SLC39A1: variants seen among roughly 807,000 people sequenced by gnomAD.
SLC39A1 encodes the protein zinc transporter ZIP1.
Under a neutral mutation model 21.4 loss-of-function variants are expected in SLC39A1, and 17 were observed. That is an observed-to-expected ratio of 0.79 (90% CI 0.54 to 1.19). The LOEUF is 1.19. Among genes scored for constraint, SLC39A1 ranks in the 50% most tolerant of loss-of-function variants. SLC39A1 has a pLI of 0.00. For synonymous variants in SLC39A1, 183 were observed against 185.9 expected (o/e 0.98, Z 0.13); for missense variants, 343 against 399.8 (o/e 0.86, Z 1.21).
At chr1:153,962,470 C>A (rs1319920576) in intron 2 of SLC39A1, 59 bp downstream of exon 2, 3 of 1,581,994 alleles carry the variant, frequency 1.9e-6, no homozygotes, top group Non-Finnish European at 2.6e-6. Context: ...TCCCCGCCAG[C>A]CCCAGAGCCC....
upstream of SLC39A1, chr1:153,966,952 T>C (rs1379293542): frequency 6.6e-6 from 1 of 152,228 alleles, no homozygotes; most frequent in Non-Finnish European, 1.5e-5. Context: ...GTATTACTAC[T>C]TTCTAGTCAT....
Position 153,962,234 on chromosome 1 carries a change from C to A in SLC39A1, c.304G>T (p.Ala102Ser). 1 of 1,614,054 alleles carries A rather than the reference C, an allele frequency of 6.2e-7. No homozygotes were observed. The highest frequency in any genetic ancestry group is 8.5e-7 in the Non-Finnish European group (1 of 1,179,956). Residue 102 changes from alanine to serine, a missense_variant, in exon 3 of 4, where the codon GCC (alanine) becomes TCC (serine). Physicochemically the swap from Ala to Ser is moderately conservative, Grantham distance 99. Coordinates refer to ENST00000356205, the MANE Select transcript of SLC39A1 (RefSeq NM_001271958.2). ...YLAAIDEALA[A>S]LHVTLQFPLQ... ...CCAGTGCTCACCGTCACGTGCAAGGCTGCCAGGGCCTCATCTATGGCAGCC... is the reference window on the plus strand; with the variant it reads ...CCAGTGCTCACCGTCACGTGCAAGGATGCCAGGGCCTCATCTATGGCAGCC...
intron 3 of SLC39A1, 142 bp downstream of exon 3, chr1:153,962,078 A>T: frequency 8.0e-7 from 1 of 1,248,138 alleles, no homozygotes; most frequent in Non-Finnish European, 1.1e-6. Context: ...TATGCCCCAT[A>T]ACCAAAAATC....
chr1:153,960,130 G>C lies in SLC39A1; in HGVS notation c.943C>G (p.Leu315Val), dbSNP rs766508650. ...TGGATGAAGAGCAGGCCAGTGAGCAGGGCAAAGCCTGCTAGGAGCAGAATG... is the reference window on the plus strand; with the variant it reads ...TGGATGAAGAGCAGGCCAGTGAGCACGGCAAAGCCTGCTAGGAGCAGAATG... ...KVILLLAGFA[L>V]LTGLLFIQI Residue 315 changes from leucine (L) to valine (V), a missense_variant, in exon 4 of 4, where the codon CTG becomes GTG. By Grantham distance (32) the Leu-to-Val change is conservative (BLOSUM62 1). Transcript: ENST00000356205. The C allele has an allele frequency of 6.2e-7, 1 of 1,613,404 alleles. No individual in the cohort carries two copies. The highest frequency in any genetic ancestry group is 8.5e-7 in the Non-Finnish European group (1 of 1,179,726).
upstream of SLC39A1, chr1:153,967,474 C>T (rs1468863566): frequency 6.6e-6 from 1 of 152,166 alleles, no homozygotes; most frequent in Non-Finnish European, 1.5e-5. Context: ...CTGGCGGAAC[C>T]CAATCCCCGC....
Position 153,960,259 on chromosome 1 carries a change from G to T in SLC39A1, c.814C>A (p.Gln272Lys). Residue 272 changes from glutamine (Q) to lysine (K), a missense_variant, in exon 4 of 4, where the codon CAG becomes AAG. By Grantham distance (53) the Gln-to-Lys change is moderately conservative. Transcript: ENST00000356205. Reference sequence around the variant, plus strand: ...GCTGCCATGCCCTCTAGCACAGACTGGGCCAGCTGGTGCAGAGGTCCTGCC... The same window carrying T: ...GCTGCCATGCCCTCTAGCACAGACTTGGCCAGCTGGTGCAGAGGTCCTGCC... ...ESAGPLHQLA[Q>K]SVLEGMAAGT... The T allele has an allele frequency of 6.2e-7, 1 of 1,614,144 alleles. No individual in the cohort carries two copies. The highest frequency in any genetic ancestry group is 8.5e-7 in the Non-Finnish European group (1 of 1,180,048).
chr1:153,964,880 C>G (rs1379472992), upstream of SLC39A1: 1 of 151,908 alleles, frequency 6.6e-6, no homozygotes, highest in Non-Finnish European at 1.5e-5. Flanking sequence ...CCGGAAATTG[C>G]AGTGAGCCGA....
At chr1:153,962,147 A>G (rs926166870) in intron 3 of SLC39A1, 73 bp downstream of exon 3, 20 of 1,553,134 alleles carry the variant, frequency 1.3e-5, no homozygotes, top group Non-Finnish European at 1.7e-5. Context: ...ACATGAATCA[A>G]TCTCCACAAA....
chr1:153,964,800 C>A (rs1341174180), upstream of SLC39A1: 1 of 152,146 alleles, frequency 6.6e-6, no homozygotes, highest in Non-Finnish European at 1.5e-5. Context: ...ATTAGCCGGG[C>A]GTGGTGGCGG....
At chr1:153,960,826 T>C in intron 3 of SLC39A1, 72 bp from the exon 4 acceptor site, 7 of 1,456,052 alleles carry the variant, frequency 4.8e-6, no homozygotes, top group Non-Finnish European at 6.5e-6. Context: ...AAAGCCCAGT[T>C]ACACAGACCT....
rs2102134086 is a variant in SLC39A1, at chr1:153,960,146, G to A, written c.927C>T (p.Leu309=). ...SEQRILKVIL[L]LAGFALLTGL... ...CAGTGAGCAGGGCAAAGCCTGCTAG[G>A]AGCAGAATGACCTTGAGGATCCTTT... Residue 309 remains leucine, a synonymous_variant, in exon 4 of 4, where the codon CTC becomes CTT. Transcript: ENST00000356205. 2.5e-6 allele frequency: 4 copies of A among 1,614,132 alleles called. No individual in the cohort carries two copies. The highest frequency in any genetic ancestry group is 3.4e-6 in the Non-Finnish European group (4 of 1,179,996).
chr1:153,965,444 A>G (rs934563711), upstream of SLC39A1, among the ~76,000 whole-genome samples: 4 of 152,252 alleles, frequency 2.6e-5, no homozygotes, highest in African/African-American at 4.8e-5. Context: ...AAGAAAAAAG[A>G]AAAGAAATAT....
intron 3 of SLC39A1, 121 bp downstream of exon 3, chr1:153,962,097 TAC>T (rs776708983): frequency 6.0e-5 from 84 of 1,407,970 alleles, no homozygotes; most frequent in Admixed American, 3.5e-4. Flanking sequence ...TCACAATTCA[TAC>T]CACATGCCAA....
chr1:153,963,158 G>C (rs1396390893), intron 1 of SLC39A1: 1 of 157,398 alleles, frequency 6.4e-6, no homozygotes, highest in Non-Finnish European at 1.4e-5. Flanking sequence ...GAGATGTCTT[G>C]GGTAGCTTCG....
chr1:153,959,191 T>G lies in SLC39A1; in HGVS notation c.*907A>C, dbSNP rs948041149. 10 of 398,932 alleles carry G rather than the reference T, an allele frequency of 2.5e-5. No homozygotes were observed. The highest frequency in any genetic ancestry group is 4.1e-5 in the African/African-American group (2 of 48,622). 24.7% of individuals were successfully genotyped at this position (398,932 alleles called of 1,614,324 possible). On this transcript the variant is annotated 3_prime_UTR_variant, in exon 4 of 4. Coordinates refer to ENST00000356205, the MANE Select transcript of SLC39A1 (RefSeq NM_001271958.2). Reference sequence around the variant, plus strand: ...ATAGATTCTAAAGAATATGTCCCTATGCACAGCCCTCCCTCCCCAAAAATA... The same window carrying G: ...ATAGATTCTAAAGAATATGTCCCTAGGCACAGCCCTCCCTCCCCAAAAATA...
Position 153,960,260 on chromosome 1 carries a change from G to A in SLC39A1, c.813C>T (p.Ala271=), listed in dbSNP as rs770123240. The A allele has an allele frequency of 9.3e-6, 15 of 1,614,020 alleles. No homozygotes were observed. The African/African-American group carries it at 1.3e-4, about 14-fold the overall frequency. The part of the protein sequence containing the change: ...AESAGPLHQL[A]QSVLEGMAAG... The stretch of plus-strand genomic sequence containing the variant: ...CTGCCATGCCCTCTAGCACAGACTG[G>A]GCCAGCTGGTGCAGAGGTCCTGCCG... Residue 271 remains alanine, a synonymous_variant, in exon 4 of 4, where the codon GCC becomes GCT. Transcript: ENST00000356205.
chr1:153,962,134 G>T, intron 3 of SLC39A1, 86 bp downstream of exon 3: 1 of 1,530,298 alleles, frequency 6.5e-7, no homozygotes, highest in South Asian at 1.2e-5. Flanking sequence ...GTCATGGAGT[G>T]GCACATGAAT....
chr1:153,960,479 T>G lies in SLC39A1; in HGVS notation c.594A>C (p.Val198=), dbSNP rs749655625. Residue 198 remains valine, a synonymous_variant, in exon 4 of 4, where the codon GTA becomes GTC. Transcript: ENST00000356205. ...ALHSVFEGLA[V]GLQRDRARAM... is the part of the protein sequence containing the mutation. ...CCCGAGCCCGGTCTCGCTGCAGCCC[T>G]ACCGCCAGCCCCTCGAACACGGAGT... 15 of 1,613,272 alleles carry G rather than the reference T, an allele frequency of 9.3e-6. No individual in the cohort carries two copies. In the Admixed American group the frequency reaches 1.8e-4, roughly 20 times the overall value.
intron 1 of SLC39A1, 125 bp from the exon 2 acceptor site, chr1:153,962,872 A>C: frequency 1.6e-6 from 1 of 644,952 alleles, no homozygotes; most frequent in East Asian, 2.9e-5. Flanking sequence ...TCCCCTACCC[A>C]GGGTGACTCA....
Sources: allele counts gnomAD v4.1 joint callset (sites outside exome capture counted in the v4.1 genomes callset), GRCh38; gene constraint gnomAD v4.1.1; transcripts MANE v1.5; gene names NCBI Gene and HGNC (gene_info 2026-07-23, HGNC 2026-07-21).